SECISBP2: variants seen among roughly 807,000 people sequenced by gnomAD.
The protein encoded by SECISBP2 is selenocysteine insertion sequence-binding protein 2.
A neutral mutation model predicts 98.2 loss-of-function variants in SECISBP2; 96 were observed. The ratio of observed to expected loss-of-function variants is 0.98; its 90% CI spans 0.83 to 1.16. The LOEUF (loss-of-function observed/expected upper bound fraction) is 1.16. Among genes scored for constraint, SECISBP2 ranks in the 50% most tolerant of loss-of-function variants. SECISBP2 has a pLI of 0.00. For missense variants in SECISBP2, 1,046 were observed against 1,022.9 expected, an observed-to-expected ratio of 1.02 and a Z score of -0.31; for synonymous variants, 407 against 370.2, an observed-to-expected ratio of 1.10 and a Z score of -1.14.
intron 2 of SECISBP2, chr9:89,322,216 CAAAG>C (rs1182435455): frequency 6.6e-6 from 1 of 152,190 alleles, no homozygotes; most frequent in Non-Finnish European, 1.5e-5. Flanking sequence ...TAGGACAAGA[CAAAG>C]AAATTAGAAG....
chr9:89,336,098 T>TTTTTTTC (rs1564372255), intron 7 of SECISBP2, among the ~76,000 whole-genome samples: 8 of 138,616 alleles, frequency 5.8e-5, no homozygotes, highest in Non-Finnish European at 1.1e-4. Context: ...TTTTTTTTTT[T>TTTTTTTC]TTTTTTTTTT....
chr9:89,360,868 C>G (rs1461257620), downstream of SECISBP2: 1 of 152,152 alleles, frequency 6.6e-6, no homozygotes, highest in African/African-American at 2.4e-5. Context: ...CTCCATTTCC[C>G]AGTAGAACAC....
At chr9:89,320,323 T>A (rs957439002) in intron 2 of SECISBP2, among the ~76,000 whole-genome samples, 1 of 121,648 alleles carries the variant, frequency 8.2e-6, no homozygotes, top group Non-Finnish European at 1.6e-5. Flanking sequence ...ACCACTACAC[T>A]CAAGCCTGGC....
downstream of SECISBP2, chr9:89,361,900 C>G (rs1433701981): frequency 2.4e-5 from 4 of 164,708 alleles, no homozygotes; most frequent in Non-Finnish European, 5.3e-5. Flanking sequence ...TTGGCTAAGT[C>G]TGCAGGGAGG....
chr9:89,319,064 G>T (rs1044038012), intron 1 of SECISBP2: 2 of 1,007,528 alleles, frequency 2.0e-6, no homozygotes, highest in African/African-American at 3.5e-5. Flanking sequence ...AATTCTCGGT[G>T]AAAGTAAATC....
At chr9:89,353,584 G>C (rs942952352) in intron 14 of SECISBP2, among the ~76,000 whole-genome samples, 1 of 152,178 alleles carries the variant, frequency 6.6e-6, no homozygotes, top group African/African-American at 2.4e-5. Context: ...GGGATTCTGG[G>C]GTCCAGGGCT....
chr9:89,329,645 G>A (rs1827414874), intron 5 of SECISBP2: 1 of 152,146 alleles, frequency 6.6e-6, no homozygotes, highest in East Asian at 1.9e-4. Flanking sequence ...TGTATTTTTA[G>A]TAGAGATGGG....
chr9:89,359,304 G>C lies in SECISBP2; in HGVS notation c.*480G>C, dbSNP rs1832567495. ...AGGGTGCAGGGCTGCTGGTGTCAGA[G>C]CAAGAGGGCTACAGGGAAAGGGCCC... On this transcript the variant is annotated 3_prime_UTR_variant, in exon 17 of 17. Coordinates refer to ENST00000375807, the MANE Select transcript of SECISBP2 (RefSeq NM_024077.5). 1 of 171,816 alleles carries C rather than the reference G, an allele frequency of 5.8e-6. No individual in the cohort carries two copies. Among genetic ancestry groups the C allele is most frequent in the Non-Finnish European group, 1.3e-5 (1 of 78,946 alleles). The allele number at this position is 171,816 out of a possible 1,614,324, so 10.6% of individuals were successfully genotyped here. A position where few individuals can be genotyped will look rare whatever the true frequency, so the allele number is the denominator to read the frequency against.
At chr9:89,333,518 G>C (rs1782024141) in intron 6 of SECISBP2, among the ~76,000 whole-genome samples, 1 of 152,222 alleles carries the variant, frequency 6.6e-6, no homozygotes, top group Non-Finnish European at 1.5e-5. Flanking sequence ...TGGCTCTGTA[G>C]ATCTGCCATG....
At chr9:89,356,172 C>T (rs1048368690) in intron 14 of SECISBP2, among the ~76,000 whole-genome samples, 3 of 152,238 alleles carry the variant, frequency 2.0e-5, no homozygotes, top group South Asian at 2.1e-4. Flanking sequence ...GCGTTGGATT[C>T]GCATAGGAGC....
At chr9:89,321,199 A>G (rs1825744328) in intron 2 of SECISBP2, among the ~76,000 whole-genome samples, 1 of 152,262 alleles carries the variant, frequency 6.6e-6, no homozygotes, top group Admixed American at 6.5e-5. Flanking sequence ...AGTGTCTCAC[A>G]TAACAAAATA....
downstream of SECISBP2, among the ~76,000 whole-genome samples, chr9:89,363,267 T>TCCC (rs67247190): frequency 1.5e-4 from 22 of 151,670 alleles, no homozygotes; most frequent in African/African-American, 2.7e-4. Context: ...ACGTGGGATT[T>TCCC]CCCCCCCCAG....
At chr9:89,345,636 C>T (rs767437176) in intron 10 of SECISBP2, among the ~76,000 whole-genome samples, 5 of 152,282 alleles carry the variant, frequency 3.3e-5, no homozygotes, top group East Asian at 1.9e-4. Flanking sequence ...TCCTCAGGCC[C>T]GGTGTCAGTG....
intron 16 of SECISBP2, 38 bp downstream of exon 16, chr9:89,358,229 C>T: frequency 6.3e-7 from 1 of 1,581,776 alleles, no homozygotes; most frequent in South Asian, 1.1e-5. Flanking sequence ...GGTCGAGTGT[C>T]CTCTTATTTA....
At chr9:89,363,811 C>T (rs1275307680), downstream of SECISBP2, 3 of 1,614,000 alleles carry the variant, frequency 1.9e-6, no homozygotes, top group Admixed American at 1.7e-5. Context: ...AGCAGCGATA[C>T]TCAGCGCTTT....
At chr9:89,330,458 C>T (rs967304865) in intron 5 of SECISBP2, 17 of 152,248 alleles carry the variant, frequency 1.1e-4, no homozygotes, top group Admixed American at 5.9e-4. Context: ...AAACAGGCCT[C>T]ACCCATTCGC....
chr9:89,363,162 C>T (rs1316655893), downstream of SECISBP2, among the ~76,000 whole-genome samples: 1 of 152,192 alleles, frequency 6.6e-6, no homozygotes, highest in East Asian at 1.9e-4. Flanking sequence ...ACTAGACAGC[C>T]CCACCTGTGA....
At chr9:89,356,339 G>A (rs1832068266) in intron 14 of SECISBP2, among the ~76,000 whole-genome samples, 1 of 152,206 alleles carries the variant, frequency 6.6e-6, no homozygotes, top group African/African-American at 2.4e-5. Flanking sequence ...CCAGTCCCTG[G>A]TGCCAAAAAG....
At chr9:89,318,693 G>C (rs1006782555) in intron 1 of SECISBP2, 81 bp downstream of exon 1, 12 of 1,324,768 alleles carry the variant, frequency 9.1e-6, no homozygotes, top group Non-Finnish European at 1.2e-5. Context: ...GCGGTGACGG[G>C]GCTGGTCCAG....
Sources: allele counts gnomAD v4.1 joint callset (sites outside exome capture counted in the v4.1 genomes callset), GRCh38; gene constraint gnomAD v4.1.1; transcripts MANE v1.5; gene names NCBI Gene and HGNC (gene_info 2026-07-23, HGNC 2026-07-21).